Variants in RBBP8NL observed in about 807,000 individuals in gnomAD.
The protein encoded by RBBP8NL is RBBP8 N-terminal like, also known as RBBP8 N-terminal-like protein.
A neutral mutation model predicts 62.2 loss-of-function variants in RBBP8NL; 59 were observed. The ratio of observed to expected loss-of-function variants is 0.95; its 90% CI spans 0.77 to 1.18. The LOEUF (loss-of-function observed/expected upper bound fraction) is 1.18. RBBP8NL is among the 50% of genes most tolerant of loss of function. RBBP8NL has a pLI of 0.00. For missense variants in RBBP8NL, 896 were observed against 899.5 expected (o/e 1.00, Z 0.05); for synonymous variants, 412 against 394.1 (o/e 1.05, Z -0.54).
intron 1 of RBBP8NL, among the ~76,000 whole-genome samples, chr20:62,423,221 C>A (rs975542934): frequency 6.6e-6 from 1 of 152,158 alleles, no homozygotes; most frequent in African/African-American, 2.4e-5. Context: ...ACCACGAAGA[C>A]CTCGCTCCAG....
intron 1 of RBBP8NL, among the ~76,000 whole-genome samples, chr20:62,424,886 C>T (rs1461058408): frequency 6.6e-6 from 1 of 152,164 alleles, no homozygotes; most frequent in African/African-American, 2.4e-5. Flanking sequence ...AGGGTGCACC[C>T]CCCCCACCCG....
chr20:62,412,948 G>A, intron 11 of RBBP8NL, 48 bp from the exon 12 acceptor site: 6 of 1,599,568 alleles, frequency 3.8e-6, no homozygotes, highest in Non-Finnish European at 5.1e-6. Context: ...GGCACCGGGA[G>A]TCTCCCGAGC....
chr20:62,412,557 C>T, intron 13 of RBBP8NL, 67 bp downstream of exon 13: 4 of 1,564,162 alleles, frequency 2.6e-6, no homozygotes, highest in Non-Finnish European at 3.5e-6. Flanking sequence ...AGAGGTGGCA[C>T]TGGGGAGAGG....
At chr20:62,426,649 G>A (rs182852264) in intron 1 of RBBP8NL, among the ~76,000 whole-genome samples, 69 of 152,370 alleles carry the variant, frequency 4.5e-4, no homozygotes, top group East Asian at 1.9e-4. Context: ...TTGTCTGGCC[G>A]TGCCTCAGTT....
In RBBP8NL at chr20:62,410,933, C is replaced by G. The variant is rs1429246905; in HGVS notation, c.1940G>C (p.Arg647Thr). 1.2e-6 allele frequency: 2 copies of G among 1,613,734 alleles called. No individual in the cohort carries two copies. The highest frequency in any genetic ancestry group is 2.2e-5 in the South Asian group (2 of 91,086). The part of the protein sequence containing the change: ...LTATEGPGSP[R>T]DAEDHSPSPN... ...GGAGGGACTGTGGTCCTCGGCGTCC[C>G]TTGGGCTCCCGGGCCCCTCAGTGGC... Residue 647 changes from arginine (R) to threonine (T), a missense_variant, in exon 14 of 14, where the codon AGG becomes ACG. Coordinates refer to ENST00000252998, the MANE Select transcript of RBBP8NL (RefSeq NM_080833.3).
At chr20:62,417,097 G>C in intron 4 of RBBP8NL, 127 bp downstream of exon 4, 1 of 763,720 alleles carries the variant, frequency 1.3e-6, no homozygotes, top group East Asian at 2.7e-5. Flanking sequence ...GTCCTGCAGT[G>C]GGGAAACCTT....
intron 3 of RBBP8NL, among the ~76,000 whole-genome samples, 158 bp downstream of exon 3, chr20:62,418,265 G>A (rs981310935): frequency 2.6e-4 from 39 of 152,280 alleles, no homozygotes; most frequent in Non-Finnish European, 4.7e-4. Context: ...CCTGCTCACC[G>A]TGTGACCTTG....
chr20:62,413,887 G>A lies in RBBP8NL; in HGVS notation c.1464C>T (p.Pro488=), dbSNP rs903248303. 3.1e-6 allele frequency: 5 copies of A among 1,594,540 alleles called. No individual in the cohort carries two copies. Among genetic ancestry groups the A allele is most frequent in the Admixed American group, 1.7e-5 (1 of 57,418 alleles). The change falls in exon 10 of 14, where the codon CCC becomes CCT. Residue 488 remains proline, a synonymous_variant. Transcript: ENST00000252998. ...PTQSGPLTRS[P]QALSNGTKGT... The stretch of plus-strand genomic sequence containing the variant: ...CCTTGGTGCCATTGCTGAGTGCCTG[G>A]GGACTGCGAGTCAGGGGTCCGGACT...
At chr20:62,421,765 G>A (rs1330765743) in intron 1 of RBBP8NL, among the ~76,000 whole-genome samples, 3 of 149,436 alleles carry the variant, frequency 2.0e-5, no homozygotes, top group Non-Finnish European at 4.4e-5. Context: ...CCGAGCTAGT[G>A]TGCGGGTGTG....
rs969549340 is a variant in RBBP8NL at position 62,419,529 on chromosome 20, C to T, written c.61+58G>A. 9 of 1,573,932 alleles carry T rather than the reference C, an allele frequency of 5.7e-6. No individual in the cohort carries two copies. The African/African-American group carries it at 1.2e-4, about 21-fold the overall frequency. ...GGGTGCACAGTGGCCTGCTCCGACC[C>T]TTAGGTGAGGGCTGTGGAGACCCCT... is the stretch of plus-strand genomic sequence containing the variant. On this transcript the variant is annotated intron_variant, in intron 2 of 13. Transcript: ENST00000252998.
At chr20:62,411,903 G>A (rs752835898) in intron 13 of RBBP8NL, among the ~76,000 whole-genome samples, 1 of 152,388 alleles carries the variant, frequency 6.6e-6, no homozygotes, top group Non-Finnish European at 1.5e-5. Flanking sequence ...CACAGTGGCG[G>A]CACCACCCCG....
At chr20:62,423,458 C>T (rs1223996994) in intron 1 of RBBP8NL, among the ~76,000 whole-genome samples, 1 of 152,180 alleles carries the variant, frequency 6.6e-6, no homozygotes, top group African/African-American at 2.4e-5. Flanking sequence ...TGGGCTCAAG[C>T]AGCTGAGGAG....
At chr20:62,415,529 C>T in intron 8 of RBBP8NL, 49 bp downstream of exon 8, 1 of 1,588,734 alleles carries the variant, frequency 6.3e-7, no homozygotes, top group Non-Finnish European at 8.6e-7. Context: ...CAGCCTCCTG[C>T]CTGCGCCGGC....
intron 1 of RBBP8NL, among the ~76,000 whole-genome samples, chr20:62,420,460 A>G (rs1971429897): frequency 6.6e-6 from 1 of 152,046 alleles, no homozygotes; most frequent in African/African-American, 2.4e-5. Context: ...ATGTACACAC[A>G]TAACACACAT....
At position 62,414,114 on chromosome 20, in the gene RBBP8NL, C is replaced by T. The variant is rs775294881; in HGVS notation, c.1237G>A (p.Gly413Arg). The T allele has an allele frequency of 1.3e-6, 2 of 1,595,724 alleles. No homozygotes were observed. Among genetic ancestry groups the T allele is most frequent in the Non-Finnish European group, 8.5e-7 (1 of 1,173,130 alleles). ...RAALAAAGLS[G>R]GRHTQPAGPG... is the part of the protein sequence containing the mutation. ...CCTGCAGGCTGTGTGTGCCGCCCTC[C>T]AGACAGGCCTGCTGCGGCCAGAGCT... The change falls in exon 10 of 14, where the codon GGA becomes AGA. Residue 413 changes from glycine (G) to arginine (R), a missense_variant. By Grantham distance (125) the Gly-to-Arg change is moderately radical (BLOSUM62 -2). Transcript: ENST00000252998.
chr20:62,423,822 T>C (rs1569028250), intron 1 of RBBP8NL, among the ~76,000 whole-genome samples: 1 of 151,812 alleles, frequency 6.6e-6, no homozygotes, highest in Non-Finnish European at 1.5e-5. Context: ...CTTGGTGCTT[T>C]TGGGGAGAAG....
rs148159387 is a variant in RBBP8NL, at chr20:62,416,853, C to A, written c.220G>T (p.Asp74Tyr). 1 of 1,568,610 alleles carries A rather than the reference C, an allele frequency of 6.4e-7. No homozygotes were observed. Among genetic ancestry groups the A allele is most frequent in the East Asian group, 2.3e-5 (1 of 42,614 alleles). Residue 74 changes from aspartate to tyrosine, a missense_variant, in exon 5 of 14, where the codon GAC becomes TAC. Transcript: ENST00000252998. Reference sequence around the variant, plus strand: ...AGCTCCTGGGTGACCATGCAGCGGTCGCACAGGCCGGCCCGCAGCCTGCAG... The same window carrying A: ...AGCTCCTGGGTGACCATGCAGCGGTAGCACAGGCCGGCCCGCAGCCTGCAG... ...LENRLRAGLC[D>Y]RCMVTQELAR...
At chr20:62,421,040 C>T (rs1002634690) in intron 1 of RBBP8NL, among the ~76,000 whole-genome samples, 1 of 116,450 alleles carries the variant, frequency 8.6e-6, no homozygotes, top group Non-Finnish European at 2.0e-5. Flanking sequence ...GTCTGTCTGT[C>T]CTCCCCTGAC....
chr20:62,410,897 C>T lies in RBBP8NL; in HGVS notation c.1976G>A (p.Ser659Asn). ...GGCTGGCTAGGTCTCCTCCCAGGGG[C>T]TGCTGTTGGGGGAGGGACTGTGGTC... Reference protein sequence around the residue: ...AEDHSPSPNSSPWEET With the variant: ...AEDHSPSPNSNPWEET Residue 659 changes from serine (S) to asparagine (N), a missense_variant, in exon 14 of 14, where the codon AGC (serine) becomes AAC (asparagine). Physicochemically the swap from Ser to Asn is conservative, Grantham distance 46. Transcript: ENST00000252998. 6.2e-7 allele frequency: 1 copy of T among 1,612,700 alleles called. No homozygotes were observed. The highest frequency in any genetic ancestry group is 8.5e-7 in the Non-Finnish European group (1 of 1,179,380).
Sources: allele counts gnomAD v4.1 joint callset (sites outside exome capture counted in the v4.1 genomes callset), GRCh38; gene constraint gnomAD v4.1.1; transcripts MANE v1.5; gene names NCBI Gene and HGNC (gene_info 2026-07-23, HGNC 2026-07-21).